The following PDE8A variants were observed in gnomAD, a reference collection of about 807,000 sequenced individuals.
PDE8A encodes the protein phosphodiesterase 8A, also known as high affinity cAMP-specific and IBMX-insensitive 3',5'-cyclic phosphodiesterase 8A.
Under a neutral mutation model 105.0 loss-of-function variants are expected in PDE8A, and 59 were observed. That is an observed-to-expected ratio of 0.56 (90% confidence interval 0.46 to 0.70). The LOEUF (loss-of-function observed/expected upper bound fraction) is 0.70. Ranked by LOEUF, PDE8A falls within the 30% of genes least tolerant of loss-of-function variation. The pLI is 0.00. For missense variants in PDE8A, 1,014 were observed against 1,045.9 expected, an observed-to-expected ratio of 0.97 and a Z score of 0.42; for synonymous variants, 355 against 371.9, an observed-to-expected ratio of 0.95 and a Z score of 0.52.
At chr15:85,038,339 C>T (rs1232783826) in intron 1 of PDE8A, among the ~76,000 whole-genome samples, 7 of 152,012 alleles carry the variant, frequency 4.6e-5, no homozygotes, top group Non-Finnish European at 8.8e-5. Flanking sequence ...TCTCCAACTT[C>T]GTGGCTTACT....
At chr15:85,103,316 A>G (rs1290603778) in intron 11 of PDE8A, among the ~76,000 whole-genome samples, 2 of 152,204 alleles carry the variant, frequency 1.3e-5, no homozygotes, top group African/African-American at 2.4e-5. Flanking sequence ...GTCAGAGGAA[A>G]TGTTCGGCAG....
At position 85,115,984 on chromosome 15, in the gene PDE8A, A is replaced by G. The variant is rs1334345015; in HGVS notation, c.1400A>G (p.Asn467Ser). 4.3e-6 allele frequency: 7 copies of G among 1,612,996 alleles called. No individual in the cohort carries two copies. The highest frequency in any genetic ancestry group is 1.6e-4 in the Middle Eastern group (1 of 6,076). ...TTCTCCAAATTACATCACTTTACAG[A>G]CACTCAAATGGTTTCAAGCAATATA... The part of the protein sequence containing the change: ...SGNEYVLSTK[N>S]TQMVSSNIIT... Residue 467 changes from asparagine (N) to serine (S), a missense_variant and splice_region_variant, in exon 16 of 22, where the codon AAC (asparagine) becomes AGC (serine). Physicochemically the swap from Asn to Ser is conservative, Grantham distance 46. Transcript: ENST00000394553.
intron 20 of PDE8A, among the ~76,000 whole-genome samples, chr15:85,129,446 A>T (rs2082300812): frequency 6.6e-6 from 1 of 152,144 alleles, no homozygotes; most frequent in Non-Finnish European, 1.5e-5. Context: ...CTGTTTCTTT[A>T]TGATTCAGTC....
chr15:85,105,397 A>T (rs12904890), intron 11 of PDE8A, among the ~76,000 whole-genome samples: 82,621 of 151,836 alleles, frequency 0.54, 23,599 homozygotes, highest in African/African-American at 0.74. Context: ...TCCGACAGTC[A>T]GCTGTGGTCC....
chr15:85,041,808 C>A (rs112326024), intron 1 of PDE8A, among the ~76,000 whole-genome samples: 2 of 152,168 alleles, frequency 1.3e-5, no homozygotes, highest in African/African-American at 4.8e-5. Flanking sequence ...AGGCTGGGGC[C>A]TCACCTCCAT....
intron 17 of PDE8A, among the ~76,000 whole-genome samples, chr15:85,119,468 C>CGAAAAAAAAAAAAAAAAAAA (rs2082145821): frequency 1.7e-5 from 1 of 58,574 alleles, no homozygotes; most frequent in Non-Finnish European, 3.1e-5. Context: ...ACTCTCGTCT[C>CGAAAAAAAAAAAAAAAAAAA]AAAAAAAAAA....
At chr15:85,096,190 A>T (rs1196324616) in intron 8 of PDE8A, among the ~76,000 whole-genome samples, 1 of 152,068 alleles carries the variant, frequency 6.6e-6, no homozygotes, top group Non-Finnish European at 1.5e-5. Flanking sequence ...ATATTTTTTT[A>T]AATGCTGACT....
upstream of PDE8A, among the ~76,000 whole-genome samples, chr15:84,981,234 C>A (rs1272843278): frequency 6.6e-5 from 10 of 152,314 alleles, no homozygotes; most frequent in South Asian, 2.1e-4. Context: ...TCGGGCGCCC[C>A]GCCTGTCGTC....
rs945479207 is a variant in PDE8A at position 85,130,061 on chromosome 15, G to C, written c.2253+3687G>C. ...CTGTGCAAGCATAGAACTAACATCT[G>C]CTCAGCTTCCGGTGAGGGCTCAGGA... On this transcript the variant is annotated intron_variant, in intron 20 of 21. Transcript: ENST00000394553. Among the ~76,000 whole-genome samples, 5 of 152,182 alleles carry C rather than the reference G, an allele frequency of 3.3e-5. No homozygotes were observed. In the East Asian group the frequency reaches 9.6e-4, roughly 29 times the overall value.
At chr15:85,116,377 G>A in intron 16 of PDE8A, 1 of 456,618 alleles carries the variant, frequency 2.2e-6, no homozygotes, top group Non-Finnish European at 3.9e-6. Context: ...TTTTTTCTGT[G>A]AAATAAAGGT....
At chr15:85,028,389 A>AT (rs2080554096) in intron 1 of PDE8A, among the ~76,000 whole-genome samples, 2 of 151,908 alleles carry the variant, frequency 1.3e-5, no homozygotes. Context: ...TAATTATTTT[A>AT]TTTTTTGTAG....
chr15:85,096,620 C>T (rs1406547099), intron 8 of PDE8A, among the ~76,000 whole-genome samples: 1 of 152,156 alleles, frequency 6.6e-6, no homozygotes, highest in Non-Finnish European at 1.5e-5. Context: ...AAGTTGTGGA[C>T]ATGGAGGACA....
At chr15:85,122,048 C>G (rs764864014) in intron 18 of PDE8A, among the ~76,000 whole-genome samples, 6 of 152,180 alleles carry the variant, frequency 3.9e-5, no homozygotes, top group Non-Finnish European at 7.3e-5. Context: ...CTCTGCCCTC[C>G]TGTGCTCAGC....
At chr15:85,062,764 C>G (rs1049885876) in intron 1 of PDE8A, 1 of 152,224 alleles carries the variant, frequency 6.6e-6, no homozygotes, top group Non-Finnish European at 1.5e-5. Flanking sequence ...AAGCCTTCCC[C>G]TGGAAGTTGC....
chr15:85,008,398 C>T (rs1001760622), intron 1 of PDE8A, among the ~76,000 whole-genome samples: 10 of 151,974 alleles, frequency 6.6e-5, no homozygotes, highest in Non-Finnish European at 1.5e-4. Context: ...TCTCCTTGAA[C>T]CTTAGCTATA....
intron 1 of PDE8A, among the ~76,000 whole-genome samples, chr15:85,017,088 C>T (rs1369140427): frequency 1.3e-5 from 2 of 150,560 alleles, no homozygotes; most frequent in Admixed American, 6.6e-5. Context: ...GGTGAAACCC[C>T]GTCTCTACTA....
At chr15:85,018,261 T>C (rs1266136505) in intron 1 of PDE8A, among the ~76,000 whole-genome samples, 1 of 152,208 alleles carries the variant, frequency 6.6e-6, no homozygotes, top group Admixed American at 6.5e-5. Context: ...AAAATAGTCA[T>C]GTAGATAAAC....
At chr15:85,024,330 G>A (rs1284806163) in intron 1 of PDE8A, among the ~76,000 whole-genome samples, 1 of 152,298 alleles carries the variant, frequency 6.6e-6, no homozygotes, top group South Asian at 2.1e-4. Flanking sequence ...ATATTTGGTT[G>A]AACTATATGA....
chr15:85,086,483 A>G (rs1353520733), intron 6 of PDE8A, among the ~76,000 whole-genome samples: 2 of 152,226 alleles, frequency 1.3e-5, no homozygotes, highest in African/African-American at 2.4e-5. Flanking sequence ...TGATTAATCA[A>G]TTGAAAAATG....
Sources: allele counts gnomAD v4.1 joint callset (sites outside exome capture counted in the v4.1 genomes callset), GRCh38; gene constraint gnomAD v4.1.1; transcripts MANE v1.5; gene names NCBI Gene and HGNC (gene_info 2026-07-23, HGNC 2026-07-21).